Variants in ABL1 observed in about 807,000 individuals in gnomAD.
ABL1 encodes ABL proto-oncogene 1, non-receptor tyrosine kinase, also known as tyrosine-protein kinase ABL1.
A neutral mutation model predicts 94.7 loss-of-function variants in ABL1; 11 were observed. The ratio of observed to expected loss-of-function variants is 0.12; its 90% CI spans 0.07 to 0.19. The LOEUF is 0.19. Among genes scored for constraint, ABL1 ranks in the 10% least tolerant of loss-of-function variants. The probability of loss-of-function intolerance (pLI) is 1.00; values close to 1 mark genes in which losing one functional copy is unlikely to be tolerated. For missense variants in ABL1, 1,082 were observed against 1,489.4 expected (o/e 0.73, Z 4.50); for synonymous variants, 656 against 622.4 (o/e 1.05, Z -0.80).
chr9:130,823,596 C>A (rs1814858588), intron 1 of ABL1, among the ~76,000 whole-genome samples: 1 of 152,138 alleles, frequency 6.6e-6, no homozygotes, highest in African/African-American at 2.4e-5. Context: ...CCAAAATGCC[C>A]ACGCCAGCTG....
chr9:130,816,532 CTT>C (rs539346886), intron 1 of ABL1, among the ~76,000 whole-genome samples: 7 of 143,160 alleles, frequency 4.9e-5, no homozygotes, highest in Admixed American at 1.4e-4. Context: ...ACCCATTCCT[CTT>C]TTTTTTTTTT....
At chr9:130,866,534 C>G (rs1189981334) in intron 4 of ABL1, among the ~76,000 whole-genome samples, 2 of 152,108 alleles carry the variant, frequency 1.3e-5, no homozygotes. Flanking sequence ...TCTCCAAGGG[C>G]AGAGCCAGAG....
chr9:130,780,424 C>A (rs951411523), intron 1 of ABL1, among the ~76,000 whole-genome samples: 1 of 152,184 alleles, frequency 6.6e-6, no homozygotes, highest in African/African-American at 2.4e-5. Context: ...CCAGGCCATG[C>A]AGATGAAGCC....
intron 7 of ABL1, among the ~76,000 whole-genome samples, chr9:130,875,822 C>CCTCCT (rs1382418584): frequency 2.0e-5 from 3 of 152,060 alleles, no homozygotes; most frequent in African/African-American, 7.2e-5. Context: ...CTCTCCCTCC[C>CCTCCT]CTCCTCTCTT....
At chr9:130,819,853 C>CTTTTT (rs777754388) in intron 1 of ABL1, among the ~76,000 whole-genome samples, 14 of 143,048 alleles carry the variant, frequency 9.8e-5, no homozygotes, top group African/African-American at 3.3e-4. Context: ...AAAATACCTA[C>CTTTTT]TTTTTTTTTT....
rs1282910077 is a variant in ABL1 at position 130,862,526 on chromosome 9, GCAGCAGGTA to G, written c.550-233_550-225del. Reference sequence around the variant, plus strand: ...TGGGAGATTTCAGGCAGAGGGAGCAGCAGCAGGTACAGAGGCCCTGAGGCCTTTTATTGT... The same window carrying G: ...TGGGAGATTTCAGGCAGAGGGAGCAGCAGAGGCCCTGAGGCCTTTTATTGT... On this transcript the variant is annotated intron_variant, in intron 3 of 10. Coordinates refer to ENST00000318560, the MANE Select transcript of ABL1 (RefSeq NM_005157.6). This position sits in a 1 kb window ranked among gnomAD's most constrained non-coding sequence, Gnocchi z 5.5. 6.6e-6 allele frequency among the ~76,000 whole-genome samples: 1 copy of G among 152,196 alleles called. No homozygotes were observed. The highest frequency in any genetic ancestry group is 1.5e-5 in the Non-Finnish European group (1 of 68,034).
chr9:130,839,014 A>C (rs1258391852), intron 1 of ABL1, among the ~76,000 whole-genome samples: 2 of 148,290 alleles, frequency 1.3e-5, no homozygotes, highest in Non-Finnish European at 3.0e-5. Context: ...GTCTCAAGCA[A>C]CCCTCCCACC....
chr9:130,731,604 C>G (rs971747710), intron 1 of ABL1, among the ~76,000 whole-genome samples: 4 of 152,006 alleles, frequency 2.6e-5, no homozygotes, highest in African/African-American at 9.7e-5. Flanking sequence ...TGCTGGGGAA[C>G]TCCTTCCTGT....
rs1831090063 is a variant in ABL1 at position 130,862,495 on chromosome 9, A to AG, written c.550-265dup. On this transcript the variant is annotated intron_variant, in intron 3 of 10. Coordinates refer to ENST00000318560, the MANE Select transcript of ABL1 (RefSeq NM_005157.6). The surrounding 1 kb of genome is among the most constrained non-coding windows in gnomAD (Gnocchi z 5.5). ...AAGCGAGAACTGGGCACGGAAGATG[A>AG]GGGAGTGGGAGATTTCAGGCAGAGG... 2.6e-5 allele frequency among the ~76,000 whole-genome samples: 4 copies of AG among 152,266 alleles called. No homozygotes were observed. The highest frequency in any genetic ancestry group is 2.6e-4 in the Admixed American group (4 of 15,280).
At chr9:130,731,341 C>A (rs1469027926) in intron 1 of ABL1, among the ~76,000 whole-genome samples, 1 of 152,038 alleles carries the variant, frequency 6.6e-6, no homozygotes, top group East Asian at 1.9e-4. Context: ...CTTTGATAAA[C>A]CTTAATTTTG....
At chr9:130,728,978 T>C (rs1831627517) in intron 1 of ABL1, among the ~76,000 whole-genome samples, 1 of 152,186 alleles carries the variant, frequency 6.6e-6, no homozygotes, top group African/African-American at 2.4e-5. Context: ...TAAAGAAGTT[T>C]TCATTTTGTT....
chr9:130,763,272 CAAAGT>C (rs1310270337), intron 1 of ABL1, among the ~76,000 whole-genome samples: 3 of 151,546 alleles, frequency 2.0e-5, no homozygotes, highest in African/African-American at 7.3e-5. Flanking sequence ...TTAAATTTAG[CAAAGT>C]AAAGAATAGA....
Position 130,835,421 on chromosome 9 carries a change from G to T in ABL1, c.-26G>T. On this transcript the variant is annotated 5_prime_UTR_variant, in exon 1 of 11. Transcript: ENST00000318560. The surrounding 1 kb of genome is among the most constrained non-coding windows in gnomAD (Gnocchi z 4.6). Reference sequence around the variant, plus strand: ...CGGACCGAGCTGGGAGAGGGGTTCCGGCCCCCGACGTGCTGGCGCGGGAAA... The same window carrying T: ...CGGACCGAGCTGGGAGAGGGGTTCCTGCCCCCGACGTGCTGGCGCGGGAAA... 1 of 1,347,230 alleles carries T rather than the reference G, an allele frequency of 7.4e-7. No homozygotes were observed. The highest frequency in any genetic ancestry group is 9.6e-7 in the Non-Finnish European group (1 of 1,043,880). 83.5% of individuals were successfully genotyped at this position (1,347,230 alleles called of 1,614,324 possible). A position where few individuals can be genotyped will look rare whatever the true frequency, so the allele number is the denominator to read the frequency against.
chr9:130,763,063 C>T (rs968390009), intron 1 of ABL1, among the ~76,000 whole-genome samples: 6 of 152,304 alleles, frequency 3.9e-5, no homozygotes, highest in Admixed American at 1.3e-4. Context: ...GTCCCAGCAT[C>T]GCTTCATGTA....
intron 3 of ABL1, among the ~76,000 whole-genome samples, chr9:130,855,369 G>T (rs1830957147): frequency 6.6e-6 from 1 of 151,626 alleles, no homozygotes; most frequent in Non-Finnish European, 1.5e-5. Flanking sequence ...TATCTGTTGG[G>T]TTTTGGACAC....
chr9:130,862,834 C>T lies in ABL1; in HGVS notation c.621C>T (p.Asp207=), dbSNP rs372729748. Residue 207 remains aspartate (D), a synonymous_variant, in exon 4 of 11, where the codon GAC becomes GAT. Transcript: ENST00000318560. This position sits in a 1 kb window ranked among gnomAD's most constrained non-coding sequence, Gnocchi z 5.5. ...TTCATCATCATTCAACGGTGGCCGA[C>T]GGGCTCATCACCACGCTCCATTATC... ...ELVHHHSTVA[D]GLITTLHYPA... The T allele has an allele frequency of 1.7e-5, 27 of 1,614,064 alleles. No individual in the cohort carries two copies. In the East Asian group the frequency reaches 2.7e-4, roughly 16 times the overall value.
At chr9:130,869,040 G>A (rs7848581) in intron 4 of ABL1, among the ~76,000 whole-genome samples, 1 of 152,010 alleles carries the variant, frequency 6.6e-6, no homozygotes, top group Non-Finnish European at 1.5e-5. Context: ...GGTGGCAGGT[G>A]CCTGTAGTCC....
Position 130,885,767 on chromosome 9 carries a change from A to G in ABL1, c.*84A>G, listed in dbSNP as rs1466313379. The G allele has an allele frequency of 4.0e-6, 6 of 1,496,766 alleles. No homozygotes were observed. Among genetic ancestry groups the G allele is most frequent in the African/African-American group, 1.4e-5 (1 of 71,550 alleles). The allele number at this position is 1,496,766 out of a possible 1,614,324, so 92.7% of individuals were successfully genotyped here. ...GCCCATACCCGTGACAGTGGCTGAC[A>G]AGGGACTAGTGAGTCAGCACCTTGG... On this transcript the variant is annotated 3_prime_UTR_variant, in exon 11 of 11. Transcript: ENST00000318560.
rs1175954465 is a variant in ABL1 at position 130,877,094 on chromosome 9, T to C, written c.1271-1321T>C. On this transcript the variant is annotated intron_variant, in intron 7 of 10. Transcript: ENST00000318560. Reference sequence around the variant, plus strand: ...ATGAACTCTCAGATTTATATATATCTGATGTGTTTCAGTCCACTGCGGTTA... The same window carrying C: ...ATGAACTCTCAGATTTATATATATCCGATGTGTTTCAGTCCACTGCGGTTA... Among the ~76,000 whole-genome samples, 2 of 148,278 alleles carry C rather than the reference T, an allele frequency of 1.3e-5. 1 individual carries two copies. Among genetic ancestry groups the C allele is most frequent in the African/African-American group, 5.2e-5 (2 of 38,806 alleles).
Sources: gnomAD v4.1 joint callset for allele counts (sites outside exome capture counted in the v4.1 genomes callset) on GRCh38, gnomAD v4.1.1 for gene constraint, Gnocchi (gnomAD v3.1) non-coding constraint, MANE v1.5 for transcripts, NCBI Gene and HGNC (gene_info 2026-07-23, HGNC 2026-07-21) for gene names.